INO80B: variants seen among roughly 807,000 people sequenced by gnomAD.
INO80B encodes INO80 complex subunit B.
A neutral mutation model predicts 31.4 loss-of-function variants in INO80B; 18 were observed. That is an observed-to-expected ratio of 0.57 (90% confidence interval 0.40 to 0.85). The LOEUF is 0.85. Ranked by LOEUF, INO80B falls within the 40% of genes least tolerant of loss-of-function variation. INO80B has a pLI of 0.00. For synonymous variants in INO80B, 238 were observed against 199.0 expected (o/e 1.20, Z -1.65); for missense variants, 469 against 475.4 (o/e 0.99, Z 0.13).
rs1356201543 is a variant in INO80B at position 74,455,708 on chromosome 2, T to G, written c.251+110T>G. On this transcript the variant is annotated intron_variant, in intron 2 of 4. Transcript: ENST00000233331. ...CCGAATGGACACTGTGACTTCAGGG[T>G]CCAGATTTAGGCAGCAAGAGTCTAA... The G allele has an allele frequency of 2.8e-6, 4 of 1,423,646 alleles. No individual in the cohort carries two copies. The Admixed American group carries it at 7.8e-5, about 28-fold the overall frequency. The allele number at this position is 1,423,646 out of a possible 1,614,324, so 88.2% of individuals were successfully genotyped here. A position where few individuals can be genotyped will look rare whatever the true frequency, so the allele number is the denominator to read the frequency against.
chr2:74,457,821 T>G lies in INO80B; in HGVS notation c.1028T>G (p.Leu343Arg). The G allele has an allele frequency of 6.3e-7, 1 of 1,584,424 alleles. No individual in the cohort carries two copies. The highest frequency in any genetic ancestry group is 8.5e-7 in the Non-Finnish European group (1 of 1,172,370). Residue 343 changes from leucine to arginine, a missense_variant, in exon 5 of 5, where the codon CTG becomes CGG. By Grantham distance (102) the Leu-to-Arg change is moderately radical. Transcript: ENST00000233331. ...QCYRINLQMR[L>R]GGPEGPGSPL... ...TACCGCATCAACCTGCAGATGCGGC[T>G]GGGGGGGCCCGAGGGTCCTGGATCC...
Position 74,457,729 on chromosome 2 carries a change from C to T in INO80B, c.936C>T (p.Pro312=). 3 of 1,600,458 alleles carry T rather than the reference C, an allele frequency of 1.9e-6. No homozygotes were observed. The highest frequency in any genetic ancestry group is 2.5e-6 in the Non-Finnish European group (3 of 1,179,714). The change falls in exon 5 of 5, where the codon CCC becomes CCT. Residue 312 remains proline (P), a synonymous_variant. Transcript: ENST00000233331. ...PSGPPPRCSV[P]GCPHPRRYAC... is the part of the protein sequence containing the mutation. ...GCCCGCCGCCGCGCTGCTCTGTCCC[C>T]GGCTGTCCCCATCCGCGCCGCTACG...
intron 3 of INO80B, 61 bp downstream of exon 3, chr2:74,455,997 T>A (rs1164871706): frequency 1.2e-5 from 18 of 1,552,392 alleles, no homozygotes; most frequent in Non-Finnish European, 1.6e-5. Context: ...GAAAGAAGGT[T>A]GGTTCTGAAA....
chr2:74,457,858 T>G lies in INO80B; in HGVS notation c.1065T>G (p.Ala355=), dbSNP rs138000146. 2.3e-4 allele frequency: 359 copies of G among 1,553,604 alleles called. 2 individuals carry two copies. The highest frequency in any genetic ancestry group is 2.9e-4 in the Non-Finnish European group (330 of 1,156,172). ...GPEGPGSPLL[A]T ...AGGGTCCTGGATCCCCCCTTTTGGC[T>G]ACGTAAGGCCCTTAACCCGGACTCT... is the stretch of plus-strand genomic sequence containing the variant. The change falls in exon 5 of 5, where the codon GCT becomes GCG. Residue 355 remains alanine, a synonymous_variant. Coordinates refer to ENST00000233331, the MANE Select transcript of INO80B (RefSeq NM_031288.4).
In INO80B at chr2:74,457,726, C is replaced by T. The variant is rs768104640; in HGVS notation, c.933C>T (p.Val311=). The stretch of plus-strand genomic sequence containing the variant: ...CAGGCCCGCCGCCGCGCTGCTCTGT[C>T]CCCGGCTGTCCCCATCCGCGCCGCT... ...SPSGPPPRCS[V]PGCPHPRRYA... The change falls in exon 5 of 5, where the codon GTC becomes GTT. Residue 311 remains valine, a synonymous_variant. Transcript: ENST00000233331. 10 of 1,600,344 alleles carry T rather than the reference C, an allele frequency of 6.2e-6. No homozygotes were observed. The highest frequency in any genetic ancestry group is 1.7e-5 in the Admixed American group (1 of 59,982).
chr2:74,457,217 T>C, intron 4 of INO80B, 117 bp from the exon 5 acceptor site: 1 of 1,054,182 alleles, frequency 9.5e-7, no homozygotes, highest in African/African-American at 1.6e-5. Flanking sequence ...TCCGAAGGCC[T>C]GCACTGCTCA....
rs150048389 is a variant in INO80B, at chr2:74,455,164, C to T, written c.48C>T (p.Ala16=). 8.1e-6 allele frequency: 13 copies of T among 1,614,072 alleles called. No individual in the cohort carries two copies. The African/African-American group carries it at 1.5e-4, about 18-fold the overall frequency. The change falls in exon 1 of 5, where the codon GCC becomes GCT. Residue 16 remains alanine (A), a synonymous_variant. Coordinates refer to ENST00000233331, the MANE Select transcript of INO80B (RefSeq NM_031288.4). The part of the protein sequence containing the change: ...RRGSTSGAME[A]PEPGEALELS... ...GGAGCACCTCTGGGGCTATGGAGGCCCCTGAGCCGGGTAAGCGCGAATAGA... is the reference window on the plus strand; with the variant it reads ...GGAGCACCTCTGGGGCTATGGAGGCTCCTGAGCCGGGTAAGCGCGAATAGA...
Position 74,457,315 on chromosome 2 carries a change from C to T in INO80B, c.541-19C>T, listed in dbSNP as rs1216046157. On this transcript the variant is annotated intron_variant, in intron 4 of 4. Transcript: ENST00000233331. Reference sequence around the variant, plus strand: ...CTTCCTCCATTTTCAGACAGCACCCCGTCTCTGTCTCTCCCTAGCGAGCTC... The same window carrying T: ...CTTCCTCCATTTTCAGACAGCACCCTGTCTCTGTCTCTCCCTAGCGAGCTC... The T allele has an allele frequency of 3.8e-6, 6 of 1,595,578 alleles. No homozygotes were observed. The South Asian group carries it at 5.7e-5, about 15-fold the overall frequency.
intron 4 of INO80B, among the ~76,000 whole-genome samples, chr2:74,456,626 G>A (rs1671713100): frequency 2.0e-5 from 3 of 152,218 alleles, no homozygotes; most frequent in South Asian, 4.1e-4. Flanking sequence ...ACCAGCAGGC[G>A]CACAGACCTT....
At chr2:74,457,242 A>G (rs932162573) in intron 4 of INO80B, 92 bp from the exon 5 acceptor site, 2 of 1,361,100 alleles carry the variant, frequency 1.5e-6, no homozygotes, top group Admixed American at 2.2e-5. Flanking sequence ...CCTGCCTTCC[A>G]TGTCCCTTCT....
In INO80B at chr2:74,455,142, G is replaced by C; in HGVS notation, c.26G>C (p.Ser9Thr). The change falls in exon 1 of 5, where the codon AGC becomes ACC. Residue 9 changes from serine (S) to threonine (T), a missense_variant. By Grantham distance (58) the Ser-to-Thr change is moderately conservative. Around this residue, in one of 3 missense-constraint regions of INO80B, gnomAD observed 223 missense variants for 253.4 expected, o/e 0.88. Transcript: ENST00000233331. The part of the protein sequence containing the change: MSKLWRRG[S>T]TSGAMEAPEP... ...ATGAGTAAGCTGTGGCGGCGTGGGA[G>C]CACCTCTGGGGCTATGGAGGCCCCT... 6.2e-7 allele frequency: 1 copy of C among 1,614,242 alleles called. No individual in the cohort carries two copies.
In INO80B at chr2:74,457,585, G is replaced by A; in HGVS notation, c.792G>A (p.Gly264=). ...RGGARGERRG[G]RAAAPAPMVR... ...GCGCACGGGGCGAGCGGCGGGGAGGGCGGGCTGCGGCTCCGGCCCCCATGG... is the reference window on the plus strand; with the variant it reads ...GCGCACGGGGCGAGCGGCGGGGAGGACGGGCTGCGGCTCCGGCCCCCATGG... Residue 264 remains glycine, a synonymous_variant, in exon 5 of 5, where the codon GGG becomes GGA. Coordinates refer to ENST00000233331, the MANE Select transcript of INO80B (RefSeq NM_031288.4). The A allele has an allele frequency of 6.6e-7, 1 of 1,520,228 alleles. No homozygotes were observed. 94.2% of individuals were successfully genotyped at this position (1,520,228 alleles called of 1,614,324 possible). A position where few individuals can be genotyped will look rare whatever the true frequency, so the allele number is the denominator to read the frequency against.
chr2:74,457,361 C>T lies in INO80B; in HGVS notation c.568C>T (p.Gln190Ter). Reference protein sequence around the residue: ...QRALLQKARSQPSPMLPLPVA... With the variant: ...QRALLQKARS ...AGCTCTGCTCCAGAAGGCGCGGAGT[C>T]AACCTTCCCCTATGCTGCCGCTGCC... The change falls in exon 5 of 5, where the codon CAA (glutamine) becomes TAA (stop). Residue 190 changes from glutamine (Q) to a stop codon, truncating the protein, a stop_gained. Coordinates refer to ENST00000233331, the MANE Select transcript of INO80B (RefSeq NM_031288.4). LOFTEE classifies it high-confidence loss of function. 6.2e-7 allele frequency: 1 copy of T among 1,608,354 alleles called. No homozygotes were observed. The highest frequency in any genetic ancestry group is 8.5e-7 in the Non-Finnish European group (1 of 1,177,956).
At chr2:74,456,466 A>G (rs371558253) in intron 4 of INO80B, among the ~76,000 whole-genome samples, 194 bp downstream of exon 4, 9 of 152,366 alleles carry the variant, frequency 5.9e-5, no homozygotes, top group African/African-American at 2.2e-4. Flanking sequence ...TCAAAAAGCT[A>G]TATGGTTTAT....
intron 4 of INO80B, 60 bp downstream of exon 4, chr2:74,456,332 G>A (rs925986949): frequency 4.5e-6 from 7 of 1,572,826 alleles, no homozygotes; most frequent in East Asian, 4.5e-5. Context: ...AACTCTCCAC[G>A]ACCCACGCAC....
rs1457632061 is a variant in INO80B, at chr2:74,457,322, G to C, written c.541-12G>C. 6.2e-7 allele frequency: 1 copy of C among 1,600,864 alleles called. No individual in the cohort carries two copies. Among genetic ancestry groups the C allele is most frequent in the South Asian group, 1.1e-5 (1 of 88,958 alleles). On this transcript the variant is annotated splice_polypyrimidine_tract_variant and intron_variant, in intron 4 of 4. Coordinates refer to ENST00000233331, the MANE Select transcript of INO80B (RefSeq NM_031288.4). ...CATTTTCAGACAGCACCCCGTCTCT[G>C]TCTCTCCCTAGCGAGCTCTGCTCCA... is the stretch of plus-strand genomic sequence containing the variant.
At chr2:74,457,007 A>T (rs971889877) in intron 4 of INO80B, among the ~76,000 whole-genome samples, 5 of 152,248 alleles carry the variant, frequency 3.3e-5, no homozygotes, top group Non-Finnish European at 7.3e-5. Context: ...TTGAGATAAG[A>T]TTAAAAATAA....
chr2:74,455,386 G>A lies in INO80B; in HGVS notation c.59-20G>A, dbSNP rs892010575. The A allele has an allele frequency of 3.7e-6, 6 of 1,614,062 alleles. No homozygotes were observed. Among genetic ancestry groups the A allele is most frequent in the Non-Finnish European group, 4.2e-6 (5 of 1,179,980 alleles). ...TGCCACCCTCCGGCCAAACACTGTC[G>A]ACAGGCTTTCCTTCCACAGGAGAAG... On this transcript the variant is annotated intron_variant, in intron 1 of 4. Transcript: ENST00000233331.
chr2:74,457,245 T>C (rs2103962283), intron 4 of INO80B, 89 bp from the exon 5 acceptor site: 11 of 1,381,486 alleles, frequency 8.0e-6, no homozygotes, highest in South Asian at 4.1e-5. Context: ...GCCTTCCATG[T>C]CCCTTCTTTC....
Sources: gnomAD v4.1 joint callset for allele counts (sites outside exome capture counted in the v4.1 genomes callset) on GRCh38, gnomAD v4.1.1 for gene constraint, gnomAD v4.1.1 regional missense constraint, MANE v1.5 for transcripts, NCBI Gene and HGNC (gene_info 2026-07-23, HGNC 2026-07-21) for gene names.